The following ULK4 variants were observed in gnomAD, a reference collection of about 807,000 sequenced individuals.
ULK4 encodes unc-51 like kinase 4.
A neutral mutation model predicts 160.6 loss-of-function variants in ULK4; 133 were observed. The observed-to-expected ratio is 0.83, with a 90% CI of 0.72 to 0.96. The LOEUF (loss-of-function observed/expected upper bound fraction) is 0.96, where lower values mean the gene tolerates loss of function less well. Ranked by LOEUF, ULK4 falls within the 40% of genes least tolerant of loss-of-function variation. ULK4 has a pLI of 0.00. For synonymous variants in ULK4, 534 were observed against 539.8 expected (o/e 0.99, Z 0.15); for missense variants, 1,580 against 1,499.5 (o/e 1.05, Z -0.89).
In ULK4 at chr3:41,373,915, G is replaced by A. The variant is rs151057100; in HGVS notation, c.3678+24164C>T. ...CCAGACTAATAAAAAAGAAAAGAGA[G>A]AAGAATCAAATAGATGCAATAAAAA... On this transcript the variant is annotated intron_variant, in intron 35 of 36. Transcript: ENST00000301831. 3.0e-3 allele frequency among the ~76,000 whole-genome samples: 462 copies of A among 152,152 alleles called. 8 individuals are homozygous for A. The highest frequency in any genetic ancestry group is 0.01 in the African/African-American group (428 of 41,526).
At chr3:41,486,104 T>A (rs1414093618) in intron 32 of ULK4, among the ~76,000 whole-genome samples, 1 of 152,106 alleles carries the variant, frequency 6.6e-6, no homozygotes, top group Non-Finnish European at 1.5e-5. Context: ...TTTTTTCCCT[T>A]TACCCCACAA....
At chr3:41,276,191 C>A (rs188663634) in intron 35 of ULK4, among the ~76,000 whole-genome samples, 3 of 152,220 alleles carry the variant, frequency 2.0e-5, no homozygotes. Context: ...CTTTCATTCT[C>A]CTATAGTTAT....
intron 27 of ULK4, among the ~76,000 whole-genome samples, chr3:41,696,425 A>ACACGTGACC (rs2036503966): frequency 6.6e-6 from 1 of 152,178 alleles, no homozygotes; most frequent in Non-Finnish European, 1.5e-5. Flanking sequence ...TGTCCAGTGG[A>ACACGTGACC]CACGTGACCC....
At chr3:41,947,408 A>T (rs1700145382) in intron 2 of ULK4, among the ~76,000 whole-genome samples, 1 of 152,236 alleles carries the variant, frequency 6.6e-6, no homozygotes, top group Non-Finnish European at 1.5e-5. Context: ...AGTGGGGAGC[A>T]TGATGGTAAA....
At chr3:41,523,775 C>G (rs1247643976) in intron 32 of ULK4, among the ~76,000 whole-genome samples, 2 of 152,154 alleles carry the variant, frequency 1.3e-5, no homozygotes, top group African/African-American at 2.4e-5. Context: ...AATTCCACTC[C>G]TAGGTATATA....
chr3:41,325,694 T>C (rs1251191510), intron 35 of ULK4, among the ~76,000 whole-genome samples: 3 of 152,062 alleles, frequency 2.0e-5, no homozygotes, highest in Non-Finnish European at 4.4e-5. Context: ...GGTGGGCAGA[T>C]TGCCTGAGGT....
chr3:41,495,494 A>T (rs1016605714), intron 32 of ULK4, among the ~76,000 whole-genome samples: 5 of 151,590 alleles, frequency 3.3e-5, no homozygotes, highest in African/African-American at 1.2e-4. Flanking sequence ...AACCTAGGCA[A>T]TACCATTCAG....
At chr3:41,409,924 G>A (rs1160644373) in intron 34 of ULK4, among the ~76,000 whole-genome samples, 1 of 150,882 alleles carries the variant, frequency 6.6e-6, no homozygotes, top group Non-Finnish European at 1.5e-5. Flanking sequence ...ACTCCAGCCT[G>A]GGTGACAGAG....
chr3:41,408,913 A>G (rs906243029), intron 34 of ULK4, among the ~76,000 whole-genome samples: 4 of 152,108 alleles, frequency 2.6e-5, no homozygotes, highest in Non-Finnish European at 5.9e-5. Flanking sequence ...AAAAAATGAA[A>G]CTGGACCCCA....
chr3:41,623,138 T>C (rs1575493687), intron 30 of ULK4, among the ~76,000 whole-genome samples: 1 of 152,214 alleles, frequency 6.6e-6, no homozygotes, highest in Non-Finnish European at 1.5e-5. Context: ...ATGTTACATA[T>C]GTTGTAGGTA....
chr3:41,645,788 A>G (rs960167467), intron 30 of ULK4, among the ~76,000 whole-genome samples: 11 of 152,110 alleles, frequency 7.2e-5, no homozygotes, highest in African/African-American at 2.4e-4. Flanking sequence ...TGTTGACAGT[A>G]GGGTGTCAAA....
intron 35 of ULK4, among the ~76,000 whole-genome samples, chr3:41,348,027 G>T (rs1228625997): frequency 6.6e-6 from 1 of 151,786 alleles, no homozygotes; most frequent in Non-Finnish European, 1.5e-5. Context: ...GGCCAATATG[G>T]TGAAACCCTG....
At chr3:41,593,808 G>T (rs1310510682) in intron 31 of ULK4, among the ~76,000 whole-genome samples, 1 of 152,170 alleles carries the variant, frequency 6.6e-6, no homozygotes, top group East Asian at 1.9e-4. Flanking sequence ...GAGGTGGGCA[G>T]ATCACTTGAG....
intron 31 of ULK4, among the ~76,000 whole-genome samples, chr3:41,574,270 C>A (rs529918693): frequency 6.6e-6 from 1 of 152,308 alleles, no homozygotes; most frequent in East Asian, 1.9e-4. Context: ...TCTGTTTCCT[C>A]TTTCAATTGG....
chr3:41,772,448 G>A (rs889392861), intron 21 of ULK4, among the ~76,000 whole-genome samples: 9 of 152,026 alleles, frequency 5.9e-5, no homozygotes, highest in South Asian at 4.2e-4. Context: ...ACACCTCTAC[G>A]CAAATAAACT....
intron 30 of ULK4, 89 bp downstream of exon 30, chr3:41,663,518 T>C: frequency 2.4e-6 from 3 of 1,232,164 alleles, no homozygotes; most frequent in South Asian, 1.3e-5. Flanking sequence ...ATTAGTCTTT[T>C]GGAATCTCAT....
At chr3:41,644,325 G>A (rs1255741936) in intron 30 of ULK4, among the ~76,000 whole-genome samples, 1 of 151,552 alleles carries the variant, frequency 6.6e-6, no homozygotes, top group Non-Finnish European at 1.5e-5. Context: ...TATTGGCTGT[G>A]GGTTTGTCAT....
intron 27 of ULK4, among the ~76,000 whole-genome samples, chr3:41,684,813 T>C (rs920367613): frequency 4.6e-5 from 7 of 152,234 alleles, no homozygotes; most frequent in Admixed American, 4.6e-4. Context: ...GAAACTAATT[T>C]CATCATTAAA....
chr3:41,771,103 A>G (rs2039347733), intron 21 of ULK4, among the ~76,000 whole-genome samples: 1 of 152,232 alleles, frequency 6.6e-6, no homozygotes. Context: ...ACGGCTTACC[A>G]TAAGAATAGC....
Sources: allele counts gnomAD v4.1 joint callset (sites outside exome capture counted in the v4.1 genomes callset), GRCh38; gene constraint gnomAD v4.1.1; transcripts MANE v1.5; gene names NCBI Gene and HGNC (gene_info 2026-07-23, HGNC 2026-07-21).